ABCB11: variants seen among roughly 807,000 people sequenced by gnomAD.
ABCB11 encodes ATP binding cassette subfamily B member 11.
In ABCB11, 95 loss-of-function variants were observed where a neutral mutation model predicts 148.0. The ratio of observed to expected loss-of-function variants is 0.64; its 90% CI spans 0.54 to 0.76. The LOEUF is 0.76. Ranked by LOEUF, ABCB11 falls within the 30% of genes least tolerant of loss-of-function variation. The pLI is 0.00. For missense variants in ABCB11, 1,523 were observed against 1,617.8 expected (o/e 0.94, Z 1.01); for synonymous variants, 591 against 555.4 (o/e 1.06, Z -0.90).
intron 21 of ABCB11, among the ~76,000 whole-genome samples, chr2:168,942,506 G>A (rs1338464198): frequency 1.7e-4 from 1 of 5,966 alleles, no homozygotes; most frequent in Non-Finnish European, 6.9e-4. Context: ...AACAAAGGGT[G>A]CAAAAAAAAA....
downstream of ABCB11, among the ~76,000 whole-genome samples, chr2:168,919,154 C>T (rs1691004709): frequency 6.8e-6 from 1 of 146,032 alleles, no homozygotes; most frequent in Admixed American, 7.0e-5. Flanking sequence ...TTTTCTTGTT[C>T]CTTTCATAAT....
At chr2:168,950,783 T>A (rs1692528486) in intron 19 of ABCB11, among the ~76,000 whole-genome samples, 1 of 151,836 alleles carries the variant, frequency 6.6e-6, no homozygotes. Flanking sequence ...TTAGCTTAAT[T>A]TATTCCCATT....
At position 168,943,852 on chromosome 2, in the gene ABCB11, T is replaced by G. The variant is rs116017720; in HGVS notation, c.2610+753A>C. On this transcript the variant is annotated intron_variant, in intron 21 of 27. Transcript: ENST00000650372. ...AGTTTTAAAATTGTACTTAAAATTT[T>G]TTTCCTTTGGTTTTGTTTTTTAAAG... Among the ~76,000 whole-genome samples, 899 of 152,152 alleles carry G rather than the reference T, an allele frequency of 5.9e-3. 6 individuals carry two copies. Among genetic ancestry groups the G allele is most frequent in the African/African-American group, 0.021 (855 of 41,548 alleles).
chr2:169,018,646 A>G (rs547520284), intron 1 of ABCB11, among the ~76,000 whole-genome samples: 1 of 152,302 alleles, frequency 6.6e-6, no homozygotes, highest in Non-Finnish European at 1.5e-5. Flanking sequence ...GATCAAAGGA[A>G]CAGAAGGAAG....
At chr2:168,999,469 T>C (rs1694811290) in intron 5 of ABCB11, among the ~76,000 whole-genome samples, 2 of 152,038 alleles carry the variant, frequency 1.3e-5, no homozygotes, top group South Asian at 2.1e-4. Context: ...TCCTTTTATA[T>C]CTCCACATGC....
chr2:168,978,658 AT>A (rs35154196), intron 11 of ABCB11, among the ~76,000 whole-genome samples: 77,943 of 148,876 alleles, frequency 0.52, 20,534 homozygotes, highest in South Asian at 0.57. Context: ...AGCTCAGGGC[AT>A]TTTTTTTTTT....
intron 18 of ABCB11, among the ~76,000 whole-genome samples, chr2:168,963,691 A>G (rs1007202087): frequency 6.6e-6 from 1 of 151,824 alleles, no homozygotes; most frequent in African/African-American, 2.4e-5. Flanking sequence ...GTATGAAATC[A>G]ACAAATGTCT....
chr2:169,013,562 T>G, intron 4 of ABCB11, 52 bp from the exon 5 acceptor site: 1 of 1,433,834 alleles, frequency 7.0e-7, no homozygotes, highest in Non-Finnish European at 9.7e-7. Context: ...GCAGGAGAGG[T>G]AGGAGGACTA....
At chr2:169,017,042 T>A (rs892400799) in intron 2 of ABCB11, among the ~76,000 whole-genome samples, 45 of 147,482 alleles carry the variant, frequency 3.1e-4, no homozygotes, top group Admixed American at 3.0e-3. Flanking sequence ...TCGTTTAGGG[T>A]CCAGGAGTGC....
chr2:169,021,851 C>T (rs537205084), intron 1 of ABCB11, among the ~76,000 whole-genome samples: 128 of 152,068 alleles, frequency 8.4e-4, no homozygotes, highest in Middle Eastern at 3.4e-3. Flanking sequence ...TTTTATAAAA[C>T]TTACCCATTA....
Position 168,950,136 on chromosome 2 carries a change from T to TACAC in ABCB11, c.2344-5176_2344-5175insGTGT, listed in dbSNP as rs796123814. ...ATATATCCTATTACTCCCATATATA[T>TACAC]ATATACACACACACACACACACACA... On this transcript the variant is annotated intron_variant, in intron 19 of 27. Transcript: ENST00000650372. 7.6e-3 allele frequency among the ~76,000 whole-genome samples: 752 copies of TACAC among 99,280 alleles called. 3 individuals are homozygous for TACAC. The highest frequency in any genetic ancestry group is 0.016 in the African/African-American group (505 of 31,504). 65.1% of individuals were successfully genotyped at this position (99,280 alleles called of 152,430 possible).
chr2:169,022,201 T>G (rs1231922811), intron 1 of ABCB11, among the ~76,000 whole-genome samples: 1 of 151,930 alleles, frequency 6.6e-6, no homozygotes, highest in Non-Finnish European at 1.5e-5. Flanking sequence ...ATGAATGAAT[T>G]ATGTTCTAAT....
rs1692300398 is a variant in ABCB11, at chr2:168,946,245, CAGTGT to C, written c.2344-1289_2344-1285del. Among the ~76,000 whole-genome samples the C allele has an allele frequency of 2.0e-5, 3 of 151,948 alleles. No individual in the cohort carries two copies. The South Asian group carries it at 6.2e-4, about 32-fold the overall frequency. On this transcript the variant is annotated intron_variant, in intron 19 of 27. Coordinates refer to ENST00000650372, the MANE Select transcript of ABCB11 (RefSeq NM_003742.4). Reference sequence around the variant, plus strand: ...CCTGAATTAATTTGAGTCATTAAAACAGTGTCAACAAATAGTTGTTCAAAGGAGAC... The same window carrying C: ...CCTGAATTAATTTGAGTCATTAAAACCAACAAATAGTTGTTCAAAGGAGAC...
rs76291701 is a variant in ABCB11 at position 169,020,542 on chromosome 2, C to T, written c.-27-2390G>A. 4.6e-3 allele frequency among the ~76,000 whole-genome samples: 699 copies of T among 152,106 alleles called. 5 individuals carry two copies. The highest frequency in any genetic ancestry group is 9.0e-3 in the Admixed American group (138 of 15,290). ...AATAGTCCAAACGGTTCAGTAATTA[C>T]GGTAAATGTATGTAGATTGAAGTAC... On this transcript the variant is annotated intron_variant, in intron 1 of 27. Coordinates refer to ENST00000650372, the MANE Select transcript of ABCB11 (RefSeq NM_003742.4).
intron 1 of ABCB11, 93 bp downstream of exon 1, chr2:169,031,132 C>A (rs1361027360): frequency 6.6e-6 from 1 of 152,020 alleles, no homozygotes; most frequent in Non-Finnish European, 1.5e-5. Flanking sequence ...GACAAGAGAC[C>A]AATGTTTAAT....
chr2:168,955,240 G>A (rs59146465), intron 19 of ABCB11, among the ~76,000 whole-genome samples: 14 of 151,422 alleles, frequency 9.2e-5, no homozygotes, highest in Admixed American at 4.0e-4. Flanking sequence ...TTATTTACCC[G>A]GCATTTCAAG....
chr2:168,958,008 T>C lies in ABCB11; in HGVS notation c.2299A>G (p.Thr767Ala), dbSNP rs1692871774. The C allele has an allele frequency of 1.2e-6, 2 of 1,609,188 alleles. No homozygotes were observed. The highest frequency in any genetic ancestry group is 8.5e-7 in the Non-Finnish European group (1 of 1,176,788). ...VGSVGAAVNG[T>A]VTPLYAFLFS... Reference sequence around the variant, plus strand: ...AAAAAGGCATACAAGGGTGTGACTGTCCCGTTCACAGCTGCACCCACAGAC... The same window carrying C: ...AAAAAGGCATACAAGGGTGTGACTGCCCCGTTCACAGCTGCACCCACAGAC... The change falls in exon 19 of 28, where the codon ACA (threonine) becomes GCA (alanine). Residue 767 changes from threonine to alanine, a missense_variant. Coordinates refer to ENST00000650372, the MANE Select transcript of ABCB11 (RefSeq NM_003742.4).
In ABCB11 at chr2:168,993,694, C is replaced by A. The variant is rs1406781194; in HGVS notation, c.783+17G>T. On this transcript the variant is annotated intron_variant, in intron 8 of 27. Coordinates refer to ENST00000650372, the MANE Select transcript of ABCB11 (RefSeq NM_003742.4). Reference sequence around the variant, plus strand: ...GCAAATGTCTTCCCATGGAGAGATGCAAAAAGACATTCTTACCAGACCAAT... The same window carrying A: ...GCAAATGTCTTCCCATGGAGAGATGAAAAAAGACATTCTTACCAGACCAAT... The A allele has an allele frequency of 1.9e-6, 3 of 1,602,254 alleles. No homozygotes were observed. Among genetic ancestry groups the A allele is most frequent in the Admixed American group, 1.7e-5 (1 of 58,700 alleles).
intron 19 of ABCB11, among the ~76,000 whole-genome samples, chr2:168,953,178 T>A (rs1194961864): frequency 6.6e-6 from 1 of 151,708 alleles, no homozygotes; most frequent in Non-Finnish European, 1.5e-5. Flanking sequence ...GACTGTACAT[T>A]CTGTAGTTGT....
Sources: gnomAD v4.1 joint callset for allele counts (sites outside exome capture counted in the v4.1 genomes callset) on GRCh38, gnomAD v4.1.1 for gene constraint, MANE v1.5 for transcripts, NCBI Gene and HGNC (gene_info 2026-07-23, HGNC 2026-07-21) for gene names.